Variants in CEP97 observed in about 807,000 individuals in gnomAD.
CEP97 encodes the protein centrosomal protein of 97 kDa.
A neutral mutation model predicts 73.1 loss-of-function variants in CEP97; 43 were observed. The observed-to-expected ratio is 0.59, with a 90% CI of 0.46 to 0.76. CEP97 has a LOEUF of 0.76. CEP97 is among the 30% of genes least tolerant of loss of function. The pLI is 0.00. For synonymous variants in CEP97, 337 were observed against 370.0 expected, an observed-to-expected ratio of 0.91 and a Z score of 1.02; for missense variants, 939 against 1,014.0, an observed-to-expected ratio of 0.93 and a Z score of 1.00.
chr3:101,730,279 TTGTTG>T (rs1346611623), intron 4 of CEP97, among the ~76,000 whole-genome samples: 1 of 148,642 alleles, frequency 6.7e-6, no homozygotes, highest in Admixed American at 6.7e-5. Context: ...TTGTTTTGTT[TTGTTG>T]AGACGGAGTT....
chr3:101,756,842 G>A (rs1046671111), intron 7 of CEP97, among the ~76,000 whole-genome samples: 7 of 152,162 alleles, frequency 4.6e-5, no homozygotes, highest in Non-Finnish European at 8.8e-5. Flanking sequence ...TTGTATGTGT[G>A]TATGTGTGCA....
chr3:101,756,017 G>A (rs113341347), intron 7 of CEP97, among the ~76,000 whole-genome samples: 1 of 151,736 alleles, frequency 6.6e-6, no homozygotes, highest in Non-Finnish European at 1.5e-5. Flanking sequence ...ATAGGTATGA[G>A]CTACTACACC....
In CEP97 at chr3:101,758,225, T is replaced by C. The variant is rs1939072810; in HGVS notation, c.1619T>C (p.Ile540Thr). 6.2e-7 allele frequency: 1 copy of C among 1,614,184 alleles called. No individual in the cohort carries two copies. The highest frequency in any genetic ancestry group is 8.5e-7 in the Non-Finnish European group (1 of 1,180,036). ...SQATSEKLPM[I>T]LTQRSVALGQ... ...GCAACTTCAGAGAAACTTCCCATGA[T>C]TTTAACCCAGAGATCTGTTGCTTTG... is the stretch of plus-strand genomic sequence containing the variant. The change falls in exon 9 of 11, where the codon ATT (isoleucine) becomes ACT (threonine). Residue 540 changes from isoleucine to threonine, a missense_variant. Transcript: ENST00000341893.
At position 101,766,408 on chromosome 3, in the gene CEP97, C is replaced by T. The variant is rs1239541299; in HGVS notation, c.*857C>T. 6.6e-6 allele frequency: 1 copy of T among 152,586 alleles called. No homozygotes were observed. The highest frequency in any genetic ancestry group is 2.4e-5 in the African/African-American group (1 of 41,438). 9.5% of individuals were successfully genotyped at this position (152,586 alleles called of 1,614,324 possible). The stretch of plus-strand genomic sequence containing the variant: ...TTGTCAGAAATTAATGTATGTTCAT[C>T]TCCTCTGTTCCTGCTTATTTTTACT... On this transcript the variant is annotated 3_prime_UTR_variant, in exon 11 of 11. Coordinates refer to ENST00000341893, the MANE Select transcript of CEP97 (RefSeq NM_024548.4).
At position 101,767,084 on chromosome 3, in the gene CEP97, C is replaced by G. The variant is rs1689813305; in HGVS notation, c.*1533C>G. 6.6e-6 allele frequency: 1 copy of G among 152,134 alleles called. No individual in the cohort carries two copies. Among genetic ancestry groups the G allele is most frequent in the Non-Finnish European group, 1.5e-5 (1 of 68,032 alleles). The allele number at this position is 152,134 out of a possible 1,614,324, so 9.4% of individuals were successfully genotyped here. A position where few individuals can be genotyped will look rare whatever the true frequency, so the allele number is the denominator to read the frequency against. ...GGGATTATAAGCAAGAGCCACTGCT[C>G]CCAGCTCATGGTATTTGTTGATAGT... On this transcript the variant is annotated 3_prime_UTR_variant, in exon 11 of 11. Transcript: ENST00000341893.
intron 1 of CEP97, among the ~76,000 whole-genome samples, chr3:101,726,303 A>C (rs1012763972): frequency 7.2e-5 from 11 of 152,204 alleles, no homozygotes; most frequent in African/African-American, 2.7e-4. Flanking sequence ...GGCACAACAA[A>C]TGGAAGTAAT....
In CEP97 at chr3:101,757,082, A is replaced by AT; in HGVS notation, c.914dup (p.Met305IlefsTer7). ...TTTTAGGTTTCACCAGAGGCAGTTG[A>AT]TGAACCAAAGCCAAAATGAAGAGTT... On this transcript the variant is annotated frameshift_variant, in exon 8 of 11. Coordinates refer to ENST00000341893, the MANE Select transcript of CEP97 (RefSeq NM_024548.4). LOFTEE classifies it high-confidence loss of function. The AT allele has an allele frequency of 6.2e-7, 1 of 1,610,662 alleles. No homozygotes were observed. Among genetic ancestry groups the AT allele is most frequent in the Non-Finnish European group, 8.5e-7 (1 of 1,179,074 alleles).
rs373329790 is a variant in CEP97 at position 101,749,443 on chromosome 3, T to C, written c.729-5987T>C. Among the ~76,000 whole-genome samples the C allele has an allele frequency of 6.0e-3, 777 of 130,362 alleles. 7 individuals are homozygous for C. Among genetic ancestry groups the C allele is most frequent in the African/African-American group, 0.02 (694 of 34,380 alleles). 85.5% of individuals were successfully genotyped at this position (130,362 alleles called of 152,430 possible). On this transcript the variant is annotated intron_variant, in intron 6 of 10. Coordinates refer to ENST00000341893, the MANE Select transcript of CEP97 (RefSeq NM_024548.4). ...AAGTCTTTGCTATTGTGAATAGTGC[T>C]GCAATAAACATACGTGTGCATGTGT... is the stretch of plus-strand genomic sequence containing the variant.
chr3:101,752,338 C>T (rs1375280727), intron 6 of CEP97, among the ~76,000 whole-genome samples: 1 of 152,118 alleles, frequency 6.6e-6, no homozygotes, highest in East Asian at 1.9e-4. Context: ...TTTTTTCCTT[C>T]ATTTCAACTT....
intron 6 of CEP97, among the ~76,000 whole-genome samples, chr3:101,750,356 C>A (rs1287478031): frequency 6.0e-5 from 9 of 151,042 alleles, no homozygotes; most frequent in African/African-American, 2.2e-4. Flanking sequence ...TGATCTATAT[C>A]TCTGTTTTGG....
At chr3:101,729,512 G>C (rs751108507) in intron 4 of CEP97, among the ~76,000 whole-genome samples, 2 of 152,062 alleles carry the variant, frequency 1.3e-5, no homozygotes, top group Non-Finnish European at 2.9e-5. Context: ...ACCAATATTA[G>C]TAACTTCAGT....
At chr3:101,755,760 G>A (rs1275147046) in intron 7 of CEP97, among the ~76,000 whole-genome samples, 166 bp downstream of exon 7, 1 of 152,188 alleles carries the variant, frequency 6.6e-6, no homozygotes, top group African/African-American at 2.4e-5. Context: ...ATCGTGCACT[G>A]CAAACAGCCA....
intron 6 of CEP97, among the ~76,000 whole-genome samples, chr3:101,754,789 A>C (rs1938957464): frequency 6.6e-6 from 1 of 151,726 alleles, no homozygotes; most frequent in Admixed American, 6.6e-5. Flanking sequence ...AGAGTTTCCC[A>C]TTATCTGCTC....
At chr3:101,738,194 T>A (rs777356399) in intron 6 of CEP97, among the ~76,000 whole-genome samples, 2 of 152,132 alleles carry the variant, frequency 1.3e-5, no homozygotes, top group African/African-American at 4.8e-5. Flanking sequence ...CCCAGATTCA[T>A]AAAGCAAGTT....
intron 6 of CEP97, among the ~76,000 whole-genome samples, chr3:101,740,874 C>A (rs572719840): frequency 6.6e-6 from 1 of 152,300 alleles, no homozygotes; most frequent in South Asian, 2.1e-4. Context: ...CAGGCGTGAG[C>A]CAGCGCACCC....
intron 6 of CEP97, among the ~76,000 whole-genome samples, chr3:101,745,478 C>T (rs1235504785): frequency 1.1e-4 from 17 of 151,572 alleles, no homozygotes; most frequent in Admixed American, 6.6e-4. Context: ...GTTGCCCAGT[C>T]GGGTCTGGAA....
chr3:101,741,033 G>T (rs1191555011), intron 6 of CEP97, among the ~76,000 whole-genome samples: 3 of 151,340 alleles, frequency 2.0e-5, no homozygotes, highest in East Asian at 3.9e-4. Flanking sequence ...ACACTACAAG[G>T]CTACAGTAAC....
rs1939345512 is a variant in CEP97 at position 101,767,338 on chromosome 3, T to G, written c.*1787T>G. ...AAATAAAAATGGAATTTCTAACTTT[T>G]TTTCAATAGTGCTAATTATCTTTTC... On this transcript the variant is annotated 3_prime_UTR_variant, in exon 11 of 11. Transcript: ENST00000341893. 1 of 152,238 alleles carries G rather than the reference T, an allele frequency of 6.6e-6. No homozygotes were observed. Among genetic ancestry groups the G allele is most frequent in the Non-Finnish European group, 1.5e-5 (1 of 68,042 alleles). 9.4% of individuals were successfully genotyped at this position (152,238 alleles called of 1,614,324 possible). A position where few individuals can be genotyped will look rare whatever the true frequency, so the allele number is the denominator to read the frequency against.
chr3:101,738,105 G>A (rs1416520900), intron 6 of CEP97, among the ~76,000 whole-genome samples: 2 of 151,666 alleles, frequency 1.3e-5, no homozygotes, highest in Non-Finnish European at 2.9e-5. Flanking sequence ...ACAAAGAAGG[G>A]CATTACATAA....
Sources: gnomAD v4.1 joint callset for allele counts (sites outside exome capture counted in the v4.1 genomes callset) on GRCh38, gnomAD v4.1.1 for gene constraint, MANE v1.5 for transcripts, NCBI Gene and HGNC (gene_info 2026-07-23, HGNC 2026-07-21) for gene names.